The following MYEF2 variants were observed in gnomAD, a reference collection of about 807,000 sequenced individuals.
MYEF2 encodes myelin expression factor 2.
A neutral mutation model predicts 75.2 loss-of-function variants in MYEF2; 37 were observed. The observed-to-expected ratio is 0.49, with a 90% CI of 0.38 to 0.65. The LOEUF (loss-of-function observed/expected upper bound fraction) is 0.65, where lower values mean the gene tolerates loss of function less well. Ranked by LOEUF, MYEF2 falls within the 30% of genes least tolerant of loss-of-function variation. The probability of loss-of-function intolerance (pLI) is 0.00; values close to 1 mark genes in which losing one functional copy is unlikely to be tolerated. For synonymous variants in MYEF2, 195 were observed against 241.6 expected (o/e 0.81, Z 1.79); for missense variants, 634 against 771.4 (o/e 0.82, Z 2.11).
chr15:48,170,856 A>AT (rs1174195812), intron 1 of MYEF2, among the ~76,000 whole-genome samples: 1 of 152,236 alleles, frequency 6.6e-6, no homozygotes, highest in African/African-American at 2.4e-5. Flanking sequence ...TTTTTAATGA[A>AT]TTAACAGTCA....
rs1019384706 is a variant in MYEF2 at position 48,141,939 on chromosome 15, A to C, written c.*969T>G. On this transcript the variant is annotated 3_prime_UTR_variant, in exon 17 of 17. Transcript: ENST00000324324. ...ATTTTTCAAAACGAATCAACAACAA[A>C]AAAGTATCCAGTGTTTCTTTTCTTA... is the stretch of plus-strand genomic sequence containing the variant. 29 of 997,140 alleles carry C rather than the reference A, an allele frequency of 2.9e-5. No individual in the cohort carries two copies. Among genetic ancestry groups the C allele is most frequent in the Non-Finnish European group, 4.1e-5 (29 of 706,216 alleles). 61.8% of individuals were successfully genotyped at this position (997,140 alleles called of 1,614,324 possible).
In MYEF2 at chr15:48,142,365, G is replaced by T; in HGVS notation, c.*543C>A. ...TGTGGAGGTTGATATTATTAATAGT[G>T]TTATGCAGAAAATATGAATGGCAGG... is the stretch of plus-strand genomic sequence containing the variant. On this transcript the variant is annotated 3_prime_UTR_variant, in exon 17 of 17. Coordinates refer to ENST00000324324, the MANE Select transcript of MYEF2 (RefSeq NM_016132.5). 3 of 1,495,594 alleles carry T rather than the reference G, an allele frequency of 2.0e-6. No homozygotes were observed. The highest frequency in any genetic ancestry group is 2.7e-6 in the Non-Finnish European group (3 of 1,107,046). 92.6% of individuals were successfully genotyped at this position (1,495,594 alleles called of 1,614,324 possible).
intron 3 of MYEF2, among the ~76,000 whole-genome samples, chr15:48,166,519 T>C (rs1174961252): frequency 3.9e-5 from 6 of 152,028 alleles, no homozygotes; most frequent in Admixed American, 3.9e-4. Context: ...CGACATATTT[T>C]TCAACTCTAT....
chr15:48,151,011 A>T, intron 14 of MYEF2, 89 bp downstream of exon 14: 1 of 785,320 alleles, frequency 1.3e-6, no homozygotes, highest in Non-Finnish European at 2.0e-6. Flanking sequence ...ATAAGAACAA[A>T]GTATTACTAT....
intron 5 of MYEF2, chr15:48,162,818 C>G (rs140067185): frequency 6.6e-6 from 1 of 152,124 alleles, no homozygotes; most frequent in Admixed American, 6.6e-5. Flanking sequence ...AATAAAACAG[C>G]GAACTTAATC....
rs778027313 is a variant in MYEF2, at chr15:48,141,112, G to A, written c.*1796C>T. The A allele has an allele frequency of 1.9e-6, 3 of 1,608,504 alleles. No individual in the cohort carries two copies. The highest frequency in any genetic ancestry group is 2.2e-5 in the South Asian group (2 of 90,882). On this transcript the variant is annotated 3_prime_UTR_variant, in exon 17 of 17. Coordinates refer to ENST00000324324, the MANE Select transcript of MYEF2 (RefSeq NM_016132.5). Reference sequence around the variant, plus strand: ...TAACTTGAAATATCTGTTTATTACAGGGGAAACACTAGAAATTCCCGATAC... The same window carrying A: ...TAACTTGAAATATCTGTTTATTACAAGGGAAACACTAGAAATTCCCGATAC...
intron 16 of MYEF2, among the ~76,000 whole-genome samples, chr15:48,145,950 T>G (rs1330847037): frequency 2.6e-5 from 4 of 151,908 alleles, no homozygotes; most frequent in African/African-American, 9.7e-5. Context: ...CTTTAATCAA[T>G]AAAATCTACC....
intron 5 of MYEF2, among the ~76,000 whole-genome samples, chr15:48,161,606 T>C (rs1223697187): frequency 6.6e-6 from 1 of 151,620 alleles, no homozygotes; most frequent in Non-Finnish European, 1.5e-5. Context: ...CCAGGGTCTC[T>C]GAAATATTAC....
intron 11 of MYEF2, 35 bp downstream of exon 11, chr15:48,152,199 T>C (rs1361835592): frequency 1.3e-6 from 2 of 1,549,700 alleles, no homozygotes; most frequent in South Asian, 1.1e-5. Context: ...AAAATGGTGA[T>C]GGGTACATAC....
At chr15:48,145,884 C>T (rs548211532) in intron 16 of MYEF2, among the ~76,000 whole-genome samples, 67 of 151,922 alleles carry the variant, frequency 4.4e-4, no homozygotes, top group African/African-American at 1.5e-3. Context: ...ACTATTACTG[C>T]AATTTTACTG....
intron 5 of MYEF2, among the ~76,000 whole-genome samples, chr15:48,165,306 T>A (rs1483446526): frequency 5.9e-5 from 9 of 152,164 alleles, no homozygotes; most frequent in Admixed American, 6.5e-5. Flanking sequence ...AGATGAGTGC[T>A]ATTCAAGCCA....
At chr15:48,167,754 T>C (rs956000592) in intron 2 of MYEF2, among the ~76,000 whole-genome samples, 1 of 152,118 alleles carries the variant, frequency 6.6e-6, no homozygotes, top group Admixed American at 6.5e-5. Flanking sequence ...TTCAAATAAC[T>C]TTGGTCAGCC....
intron 16 of MYEF2, among the ~76,000 whole-genome samples, chr15:48,147,831 A>AC (rs1422527527): frequency 1.3e-5 from 2 of 152,106 alleles, no homozygotes; most frequent in East Asian, 3.9e-4. Flanking sequence ...CTAGGGCCTA[A>AC]CAGACTGCCA....
At chr15:48,152,462 G>C (rs773566986) in intron 10 of MYEF2, 178 bp from the exon 11 acceptor site, 53 of 504,622 alleles carry the variant, frequency 1.1e-4, no homozygotes, top group Non-Finnish European at 1.6e-4. Context: ...GTCTAATCAT[G>C]AATCTTCAAA....
Position 48,149,561 on chromosome 15 carries a change from T to C in MYEF2, c.1379-190A>G, listed in dbSNP as rs2140832358. ...ATTATTTTCATACAGATAACAACTT[T>C]CCAAAGAACAGAATTTGCTTACATA... On this transcript the variant is annotated intron_variant, in intron 14 of 16. Coordinates refer to ENST00000324324, the MANE Select transcript of MYEF2 (RefSeq NM_016132.5). The surrounding 1 kb of genome is among the most constrained non-coding windows in gnomAD (Gnocchi z 4.0). The C allele has an allele frequency of 1.2e-5, 5 of 400,808 alleles. No individual in the cohort carries two copies. The highest frequency in any genetic ancestry group is 1.2e-4 in the East Asian group (3 of 24,140). The allele number at this position is 400,808 out of a possible 1,614,324, so 24.8% of individuals were successfully genotyped here. A position where few individuals can be genotyped will look rare whatever the true frequency, so the allele number is the denominator to read the frequency against.
chr15:48,164,814 T>G (rs2140909387), intron 5 of MYEF2, among the ~76,000 whole-genome samples: 2 of 152,318 alleles, frequency 1.3e-5, no homozygotes, highest in East Asian at 3.9e-4. Context: ...AATAAAGTAT[T>G]TTTAAATTAA....
intron 5 of MYEF2, among the ~76,000 whole-genome samples, chr15:48,165,595 T>C (rs2040105160): frequency 1.3e-5 from 2 of 152,058 alleles, no homozygotes; most frequent in Admixed American, 6.6e-5. Context: ...AAGGATATTA[T>C]ATTTCTCAAA....
At chr15:48,162,086 T>C (rs1030989297) in intron 5 of MYEF2, among the ~76,000 whole-genome samples, 1 of 151,778 alleles carries the variant, frequency 6.6e-6, no homozygotes, top group Non-Finnish European at 1.5e-5. Context: ...TTTTTAATAA[T>C]AAACCCCAGA....
chr15:48,153,674 G>A (rs753681731), intron 10 of MYEF2, 118 bp downstream of exon 10: 39 of 768,104 alleles, frequency 5.1e-5, no homozygotes, highest in East Asian at 8.4e-5. Flanking sequence ...AAGTGACACC[G>A]TAAATATCTA....
Sources: allele counts gnomAD v4.1 joint callset (sites outside exome capture counted in the v4.1 genomes callset), GRCh38; gene constraint gnomAD v4.1.1; non-coding constraint Gnocchi (gnomAD v3.1); transcripts MANE v1.5; gene names NCBI Gene and HGNC (gene_info 2026-07-23, HGNC 2026-07-21).